The following SLC6A16 variants were observed in gnomAD, a reference collection of about 807,000 sequenced individuals.
The protein encoded by SLC6A16 is solute carrier family 6 member 16.
SLC6A16 carries 54 observed loss-of-function variants against 65.4 expected under a neutral mutation model. That is an observed-to-expected ratio of 0.83 (90% CI 0.66 to 1.04). The LOEUF is 1.04. Ranked by LOEUF, SLC6A16 falls within the 50% of genes least tolerant of loss-of-function variation. The probability of loss-of-function intolerance (pLI) is 0.00; values close to 1 mark genes in which losing one functional copy is unlikely to be tolerated. For missense variants in SLC6A16, 816 were observed against 914.0 expected (o/e 0.89, Z 1.38); for synonymous variants, 330 against 346.5 (o/e 0.95, Z 0.53).
chr19:49,314,027 C>A lies in SLC6A16; in HGVS notation c.-64-2616G>T, dbSNP rs150629462. On this transcript the variant is annotated intron_variant, in intron 1 of 11. Transcript: ENST00000335875. ...AGGAGAATGGCGTGAACCTGGGAAG[C>A]GGAGTTTGCAGTGAGCTGAGATCAC... Among the ~76,000 whole-genome samples the A allele has an allele frequency of 6.0e-3, 915 of 151,620 alleles. 7 individuals are homozygous for A. Among genetic ancestry groups the A allele is most frequent in the Middle Eastern group, 0.034 (10 of 294 alleles).
the SLC6A16 span, chr19:49,337,275 G>A: frequency 2.6e-6 from 4 of 1,537,700 alleles, no homozygotes; most frequent in South Asian, 3.3e-5. Context: ...AGAGGGAAGG[G>A]AGTGGTGGGA....
the SLC6A16 span, chr19:49,338,086 G>C: frequency 6.3e-7 from 1 of 1,591,158 alleles, no homozygotes; most frequent in Non-Finnish European, 8.6e-7. The surrounding 1 kb of genome is among the most constrained non-coding windows in gnomAD (Gnocchi z 5.0). Flanking sequence ...CCTGTGCTTG[G>C]AGGAGACTCC....
rs763742671 is a variant in SLC6A16, at chr19:49,310,023, T to A, written c.700+17A>T. ...TCTCCATTTTTCCCTTCTCCTCTTC[T>A]TTCACTTCCTCCTCACCAAAGCCAC... On this transcript the variant is annotated intron_variant, in intron 4 of 11. Coordinates refer to ENST00000335875, the MANE Select transcript of SLC6A16 (RefSeq NM_014037.3). 5 of 1,612,872 alleles carry A rather than the reference T, an allele frequency of 3.1e-6. No homozygotes were observed. In the East Asian group the frequency reaches 8.9e-5, roughly 29 times the overall value.
chr19:49,333,593 A>G, the SLC6A16 span, among the ~76,000 whole-genome samples: 1 of 152,154 alleles, frequency 6.6e-6, no homozygotes, highest in East Asian at 1.9e-4. Flanking sequence ...TGGGGGACAG[A>G]CTGGAGGGAG....
upstream of SLC6A16, among the ~76,000 whole-genome samples, chr19:49,328,609 A>G (rs1002064322): frequency 3.9e-5 from 6 of 152,242 alleles, no homozygotes; most frequent in Non-Finnish European, 7.3e-5. Context: ...AATAGAGCCG[A>G]CATGATGTGT....
intron 3 of SLC6A16, 64 bp downstream of exon 3, chr19:49,310,289 A>C: frequency 6.2e-7 from 1 of 1,605,416 alleles, no homozygotes; most frequent in Admixed American, 1.7e-5. Context: ...GGCGCATTTC[A>C]GGAGGAGGGT....
At chr19:49,338,614 T>A in the SLC6A16 span, 2 of 976,364 alleles carry the variant, frequency 2.0e-6, no homozygotes, top group East Asian at 4.8e-5. The surrounding 1 kb of genome is among the most constrained non-coding windows in gnomAD (Gnocchi z 5.0). Flanking sequence ...CTCCCCGACC[T>A]GACCTCATAC....
the SLC6A16 span, chr19:49,337,099 C>A: frequency 6.2e-7 from 1 of 1,613,998 alleles, no homozygotes; most frequent in Non-Finnish European, 8.5e-7. Flanking sequence ...ATGGCCTGGG[C>A]CGGGGTTGCA....
At chr19:49,318,663 A>G (rs982602252) in intron 1 of SLC6A16, among the ~76,000 whole-genome samples, 1 of 152,192 alleles carries the variant, frequency 6.6e-6, no homozygotes, top group African/African-American at 2.4e-5. Context: ...AAAGGAAAAC[A>G]TGAACAGAAT....
rs780797382 is a variant in SLC6A16, at chr19:49,293,860, A to G, written c.1585T>C (p.Ser529Pro). 8.9e-5 allele frequency: 144 copies of G among 1,614,000 alleles called. No individual in the cohort carries two copies. The highest frequency in any genetic ancestry group is 1.2e-4 in the Non-Finnish European group (138 of 1,180,034). The change falls in exon 9 of 12, where the codon TCT (serine) becomes CCT (proline). Residue 529 changes from serine to proline, a missense_variant. Physicochemically the swap from Ser to Pro is moderately conservative, Grantham distance 74. Transcript: ENST00000335875. ...GIITPLQDTFSFFRKHTKLLI... is the reference protein window; with the variant it reads ...GIITPLQDTFPFFRKHTKLLI... ...AGCTTTGTATGTTTCCTGAAGAAAGAGAAGGTGTCCTGGAGTGGAGTAATG... is the reference window on the plus strand; with the variant it reads ...AGCTTTGTATGTTTCCTGAAGAAAGGGAAGGTGTCCTGGAGTGGAGTAATG...
At chr19:49,313,454 CAT>C (rs1970561600) in intron 1 of SLC6A16, among the ~76,000 whole-genome samples, 1 of 152,000 alleles carries the variant, frequency 6.6e-6, no homozygotes, top group African/African-American at 2.4e-5. Flanking sequence ...CACAAGCCAC[CAT>C]TCCCCACTCA....
intron 7 of SLC6A16, among the ~76,000 whole-genome samples, chr19:49,305,416 AC>A (rs1282713879): frequency 2.0e-5 from 3 of 151,622 alleles, no homozygotes; most frequent in Non-Finnish European, 4.4e-5. Context: ...ACATGGTGAA[AC>A]CCCGTCTCTA....
chr19:49,339,973 G>T, the SLC6A16 span: 2 of 1,423,752 alleles, frequency 1.4e-6, no homozygotes, highest in African/African-American at 1.4e-5. The surrounding 1 kb of genome is among the most constrained non-coding windows in gnomAD (Gnocchi z 4.5). Context: ...TGAGGCAGAG[G>T]GGGAAGACAG....
Position 49,311,096 on chromosome 19 carries a change from G to T in SLC6A16, c.252C>A (p.Pro84=). 1 of 1,614,182 alleles carries T rather than the reference G, an allele frequency of 6.2e-7. No individual in the cohort carries two copies. The highest frequency in any genetic ancestry group is 8.5e-7 in the Non-Finnish European group (1 of 1,180,036). ...ALTASALNQK[P]THEKVQMTEK... Reference sequence around the variant, plus strand: ...CTGTCATCTGCACCTTCTCATGCGTGGGTTTCTGGTTCAGGGCTGAGGCAG... The same window carrying T: ...CTGTCATCTGCACCTTCTCATGCGTTGGTTTCTGGTTCAGGGCTGAGGCAG... The change falls in exon 2 of 12, where the codon CCC becomes CCA. Residue 84 remains proline, a synonymous_variant. Coordinates refer to ENST00000335875, the MANE Select transcript of SLC6A16 (RefSeq NM_014037.3).
rs564165887 is a variant in SLC6A16 at position 49,311,540 on chromosome 19, T to G, written c.-64-129A>C. 13 of 525,804 alleles carry G rather than the reference T, an allele frequency of 2.5e-5. No homozygotes were observed. The East Asian group carries it at 4.0e-4, about 16-fold the overall frequency. The allele number at this position is 525,804 out of a possible 1,614,324, so 32.6% of individuals were successfully genotyped here. A position where few individuals can be genotyped will look rare whatever the true frequency, so the allele number is the denominator to read the frequency against. On this transcript the variant is annotated intron_variant, in intron 1 of 11. Coordinates refer to ENST00000335875, the MANE Select transcript of SLC6A16 (RefSeq NM_014037.3). ...CTGACATTTAAAGCACAAAAAAATC[T>G]CTTGCATAAGTTTCACTTCTTAGAA...
upstream of SLC6A16, among the ~76,000 whole-genome samples, chr19:49,327,209 G>C (rs1421586714): frequency 3.9e-5 from 6 of 151,962 alleles, no homozygotes; most frequent in Non-Finnish European, 7.4e-5. Context: ...CGAGTAGCTG[G>C]GGTTGCAGGT....
At chr19:49,310,206 G>C (rs1250714738) in intron 3 of SLC6A16, 40 bp from the exon 4 acceptor site, 1 of 1,612,772 alleles carries the variant, frequency 6.2e-7, no homozygotes, top group Non-Finnish European at 8.5e-7. Context: ...GGAAGAGCAG[G>C]GACAGGAAAA....
chr19:49,309,697 C>T lies in SLC6A16; in HGVS notation c.830G>A (p.Cys277Tyr). 6.2e-7 allele frequency: 1 copy of T among 1,614,156 alleles called. No homozygotes were observed. Among genetic ancestry groups the T allele is most frequent in the South Asian group, 1.1e-5 (1 of 91,082 alleles). Residue 277 changes from cysteine to tyrosine, a missense_variant, in exon 5 of 12, where the codon TGT becomes TAT. Physicochemically the swap from Cys to Tyr is radical, Grantham distance 194. Transcript: ENST00000335875. The stretch of plus-strand genomic sequence containing the variant: ...ATTGATCATGAAAGCACCAACAAGA[C>T]ACCAGCAAAGAAAGAAGGGCAGGAC... ...SLVLPFFLCWCLVGAFMINGL... is the reference protein window; with the variant it reads ...SLVLPFFLCWYLVGAFMINGL...
intron 1 of SLC6A16, among the ~76,000 whole-genome samples, chr19:49,322,934 G>T (rs1970739199): frequency 8.3e-6 from 1 of 120,836 alleles, no homozygotes; most frequent in Non-Finnish European, 1.6e-5. Context: ...AAATAATCTT[G>T]AAAAAGAAGA....
Sources: allele counts gnomAD v4.1 joint callset (sites outside exome capture counted in the v4.1 genomes callset), GRCh38; gene constraint gnomAD v4.1.1; non-coding constraint Gnocchi (gnomAD v3.1); transcripts MANE v1.5; gene names NCBI Gene and HGNC (gene_info 2026-07-23, HGNC 2026-07-21).